The following THSD7B variants were observed in gnomAD, a reference collection of about 807,000 sequenced individuals.
THSD7B encodes the protein thrombospondin type-1 domain-containing protein 7B.
In THSD7B, 138 loss-of-function variants were observed where a neutral mutation model predicts 213.6. The observed-to-expected ratio is 0.65, with a 90% CI of 0.56 to 0.74. The LOEUF (loss-of-function observed/expected upper bound fraction) is 0.74. THSD7B is among the 30% of genes least tolerant of loss of function. The pLI, the probability that THSD7B is intolerant of heterozygous loss-of-function variation, is 0.00. For missense variants in THSD7B, 1,931 were observed against 1,991.5 expected (o/e 0.97, Z 0.58); for synonymous variants, 742 against 687.0 (o/e 1.08, Z -1.25).
At chr2:137,230,775 C>T (rs953538562) in intron 7 of THSD7B, among the ~76,000 whole-genome samples, 2 of 152,118 alleles carry the variant, frequency 1.3e-5, no homozygotes, top group Non-Finnish European at 2.9e-5. Flanking sequence ...ATAACACATC[C>T]ACCAGGTCCA....
Position 137,342,839 on chromosome 2 carries a change from G to A in THSD7B, c.2501-62774G>A, listed in dbSNP as rs115861403. Reference sequence around the variant, plus strand: ...TTTAATGTAATGTGTCATGTTTATTGATTTGCATACGGTAAACCATCCTTG... The same window carrying A: ...TTTAATGTAATGTGTCATGTTTATTAATTTGCATACGGTAAACCATCCTTG... On this transcript the variant is annotated intron_variant, in intron 12 of 27. Coordinates refer to ENST00000409968, the MANE Select transcript of THSD7B (RefSeq NM_001316349.2). 3.0e-3 allele frequency among the ~76,000 whole-genome samples: 451 copies of A among 151,738 alleles called. 2 individuals carry two copies. Among genetic ancestry groups the A allele is most frequent in the African/African-American group, 0.01 (433 of 41,452 alleles).
chr2:137,496,888 C>T (rs919937596), intron 15 of THSD7B, among the ~76,000 whole-genome samples: 6 of 152,134 alleles, frequency 3.9e-5, no homozygotes, highest in African/African-American at 1.4e-4. Flanking sequence ...AATTCACATA[C>T]ACAGAGGTTA....
intron 17 of THSD7B, among the ~76,000 whole-genome samples, chr2:137,588,760 C>CTTTATTTATTTA (rs137892635): frequency 1.0e-4 from 15 of 146,998 alleles, no homozygotes; most frequent in Admixed American, 1.4e-4. Flanking sequence ...TCATGTTGTC[C>CTTTATTTATTTA]TTTATTTATT....
chr2:137,646,672 T>A (rs1294992337), intron 21 of THSD7B, among the ~76,000 whole-genome samples: 2 of 146,484 alleles, frequency 1.4e-5, no homozygotes, highest in African/African-American at 4.9e-5. Context: ...ATAATAATAA[T>A]AATAATAATA....
At chr2:137,141,488 ACACACT>A (rs1454776583) in intron 5 of THSD7B, among the ~76,000 whole-genome samples, 27 of 43,672 alleles carry the variant, frequency 6.2e-4, no homozygotes, top group Middle Eastern at 7.7e-3. Flanking sequence ...GTGTGCACAC[ACACACT>A]CACACACACA....
intron 7 of THSD7B, among the ~76,000 whole-genome samples, chr2:137,187,284 G>A (rs1680568943): frequency 1.3e-5 from 2 of 152,198 alleles, no homozygotes; most frequent in East Asian, 3.9e-4. Flanking sequence ...GGTGGCTTGT[G>A]AACCAACCAG....
intron 15 of THSD7B, among the ~76,000 whole-genome samples, chr2:137,452,679 A>G (rs896820789): frequency 3.3e-5 from 5 of 152,160 alleles, no homozygotes; most frequent in South Asian, 2.1e-4. Flanking sequence ...GAATAAAAGG[A>G]TTTTATTTGA....
chr2:136,880,504 C>A (rs149727799), intron 1 of THSD7B, among the ~76,000 whole-genome samples: 17 of 152,226 alleles, frequency 1.1e-4, no homozygotes, highest in African/African-American at 3.9e-4. Flanking sequence ...GAAAACTGTA[C>A]ATGGATATCT....
intron 1 of THSD7B, among the ~76,000 whole-genome samples, chr2:136,813,062 G>A (rs1261016387): frequency 6.6e-6 from 1 of 152,006 alleles, no homozygotes; most frequent in Non-Finnish European, 1.5e-5. Context: ...ATAAAATAAG[G>A]ATTGGATAAA....
At chr2:136,771,851 G>A (rs1681512153) in intron 1 of THSD7B, among the ~76,000 whole-genome samples, 1 of 152,116 alleles carries the variant, frequency 6.6e-6, no homozygotes, top group African/African-American at 2.4e-5. Flanking sequence ...AGGGGCCTGG[G>A]TAATAACAGC....
chr2:137,114,688 G>A (rs1026060958), intron 4 of THSD7B, among the ~76,000 whole-genome samples: 7 of 152,116 alleles, frequency 4.6e-5, no homozygotes, highest in African/African-American at 1.2e-4. Context: ...ATATATTTAC[G>A]ACTTTACACA....
chr2:137,126,308 A>C (rs943221307), intron 5 of THSD7B, among the ~76,000 whole-genome samples: 1 of 152,278 alleles, frequency 6.6e-6, no homozygotes, highest in East Asian at 1.9e-4. Context: ...AGCCACCTTC[A>C]TCAATGATCT....
intron 13 of THSD7B, among the ~76,000 whole-genome samples, chr2:137,411,117 G>T (rs542110138): frequency 7.2e-5 from 11 of 152,352 alleles, no homozygotes; most frequent in Admixed American, 1.3e-4. Context: ...TCAATTTATT[G>T]TTTGTATAAA....
intron 2 of THSD7B, among the ~76,000 whole-genome samples, chr2:137,016,767 G>A (rs890437867): frequency 3.3e-5 from 5 of 152,106 alleles, no homozygotes; most frequent in Admixed American, 1.3e-4. Context: ...TTCTTTAGAG[G>A]AACTTCTTAA....
intron 12 of THSD7B, among the ~76,000 whole-genome samples, chr2:137,347,280 C>G (rs1211937797): frequency 6.6e-6 from 1 of 151,656 alleles, no homozygotes; most frequent in Admixed American, 6.6e-5. Flanking sequence ...CAAGCTAATG[C>G]TGTTATGCTA....
intron 2 of THSD7B, among the ~76,000 whole-genome samples, chr2:136,930,203 A>C (rs571532648): frequency 2.4e-4 from 36 of 152,338 alleles, no homozygotes; most frequent in African/African-American, 8.2e-4. Context: ...TAAGAATTCA[A>C]GGAAGGGAGA....
chr2:137,143,645 T>C (rs1482280579), intron 5 of THSD7B, among the ~76,000 whole-genome samples: 1 of 152,132 alleles, frequency 6.6e-6, no homozygotes, highest in Non-Finnish European at 1.5e-5. Flanking sequence ...ACTGTGTCTA[T>C]TTAAGTTTTT....
At chr2:137,632,724 CA>C (rs1181745826) in intron 20 of THSD7B, among the ~76,000 whole-genome samples, 5 of 152,142 alleles carry the variant, frequency 3.3e-5, no homozygotes, top group African/African-American at 1.2e-4. Context: ...AAAGCAATGT[CA>C]AAAGTGCTTA....
intron 15 of THSD7B, among the ~76,000 whole-genome samples, chr2:137,495,174 G>A (rs1170797987): frequency 1.3e-5 from 2 of 151,980 alleles, no homozygotes; most frequent in East Asian, 3.9e-4. Context: ...TCTATTTAGT[G>A]GTTCCTGATG....
Sources: gnomAD v4.1 joint callset for allele counts (sites outside exome capture counted in the v4.1 genomes callset) on GRCh38, gnomAD v4.1.1 for gene constraint, MANE v1.5 for transcripts, NCBI Gene and HGNC (gene_info 2026-07-23, HGNC 2026-07-21) for gene names.